LPGAT1: variants seen among roughly 807,000 people sequenced by gnomAD.
LPGAT1 encodes lysophosphatidylglycerol acyltransferase 1, also known as acyl-CoA:lysophosphatidylglycerol acyltransferase 1.
Under a neutral mutation model 47.5 loss-of-function variants are expected in LPGAT1, and 11 were observed. The observed-to-expected ratio is 0.23, with a 90% CI of 0.15 to 0.38. LPGAT1 has a LOEUF of 0.38. Ranked by LOEUF, LPGAT1 falls within the 10% of genes least tolerant of loss-of-function variation. LPGAT1 has a pLI of 1.00. For synonymous variants in LPGAT1, 138 were observed against 144.2 expected (o/e 0.96, Z 0.31); for missense variants, 293 against 439.0 (o/e 0.67, Z 2.97).
chr1:211,791,618 G>A (rs868217215), intron 3 of LPGAT1, among the ~76,000 whole-genome samples: 2 of 151,806 alleles, frequency 1.3e-5, no homozygotes, highest in South Asian at 2.1e-4. Context: ...CATGGTACCC[G>A]TGCCCATAGT....
chr1:211,784,490 C>CAA (rs373021672), intron 4 of LPGAT1, among the ~76,000 whole-genome samples: 1 of 112,518 alleles, frequency 8.9e-6, no homozygotes. Flanking sequence ...GACCCTGTCT[C>CAA]AAAAAAAAAA....
At chr1:211,772,805 CTA>C (rs1158798250) in intron 6 of LPGAT1, among the ~76,000 whole-genome samples, 1 of 152,108 alleles carries the variant, frequency 6.6e-6, no homozygotes, top group Non-Finnish European at 1.5e-5. Context: ...GAAGGAATAA[CTA>C]TTTCTGAAAT....
At chr1:211,793,051 A>G in intron 3 of LPGAT1, 21 bp downstream of exon 3, 1 of 1,503,798 alleles carries the variant, frequency 6.6e-7, no homozygotes, top group Non-Finnish European at 9.1e-7. Context: ...ATGTCTATCT[A>G]CTGCCTTCAG....
In LPGAT1 at chr1:211,830,125, G is replaced by T; in HGVS notation, c.-28+448C>A. ...GCGGGGAGCCGGTGGAGCCTGCAGC[G>T]GTTTCCGCGGATGTGGAAGGGTCGT... On this transcript the variant is annotated intron_variant, in intron 1 of 7. Coordinates refer to ENST00000366997, the MANE Select transcript of LPGAT1 (RefSeq NM_014873.3). The surrounding 1 kb of genome is among the most constrained non-coding windows in gnomAD (Gnocchi z 5.9). 1 of 984,226 alleles carries T rather than the reference G, an allele frequency of 1.0e-6. No individual in the cohort carries two copies. Among genetic ancestry groups the T allele is most frequent in the Non-Finnish European group, 1.2e-6 (1 of 829,652 alleles). 61.0% of individuals were successfully genotyped at this position (984,226 alleles called of 1,614,324 possible).
At chr1:211,767,890 G>C (rs1324573104) in intron 6 of LPGAT1, among the ~76,000 whole-genome samples, 1 of 152,142 alleles carries the variant, frequency 6.6e-6, no homozygotes, top group African/African-American at 2.4e-5. Flanking sequence ...TTGGGGCTGG[G>C]GCTGAGGGTG....
intron 2 of LPGAT1, among the ~76,000 whole-genome samples, chr1:211,808,135 C>T (rs1158541168): frequency 1.3e-5 from 2 of 151,998 alleles, no homozygotes; most frequent in South Asian, 2.1e-4. Context: ...CACTTGAGGT[C>T]GGGAGTTCGA....
intron 7 of LPGAT1, among the ~76,000 whole-genome samples, chr1:211,750,591 C>CA (rs1322493763): frequency 2.6e-5 from 4 of 151,916 alleles, no homozygotes; most frequent in Non-Finnish European, 5.9e-5. Flanking sequence ...AATTTTTTGT[C>CA]AAAAAAGTAG....
chr1:211,755,660 C>G (rs1350542765), intron 6 of LPGAT1, among the ~76,000 whole-genome samples: 1 of 149,358 alleles, frequency 6.7e-6, no homozygotes, highest in Non-Finnish European at 1.5e-5. Context: ...AATCCCAGTA[C>G]TTTGGGAGAC....
intron 2 of LPGAT1, among the ~76,000 whole-genome samples, chr1:211,793,681 C>G (rs1659233130): frequency 6.6e-6 from 1 of 152,174 alleles, no homozygotes; most frequent in Non-Finnish European, 1.5e-5. Flanking sequence ...GATCCACCTG[C>G]CTTGGCCTCC....
intron 6 of LPGAT1, among the ~76,000 whole-genome samples, chr1:211,778,061 G>A (rs182498123): frequency 2.0e-4 from 31 of 152,270 alleles, no homozygotes; most frequent in East Asian, 1.3e-3. Context: ...AAAGGCACGA[G>A]GCTGGGCGCG....
At chr1:211,756,873 CT>C (rs1657481709) in intron 6 of LPGAT1, among the ~76,000 whole-genome samples, 1 of 139,920 alleles carries the variant, frequency 7.1e-6, no homozygotes, top group African/African-American at 2.6e-5. Flanking sequence ...TTTTTTTTCT[CT>C]CTTTTTTTTT....
intron 3 of LPGAT1, chr1:211,792,242 G>A (rs1659153272): frequency 6.6e-6 from 1 of 151,424 alleles, no homozygotes; most frequent in Non-Finnish European, 1.5e-5. Flanking sequence ...CTTCTTGTGT[G>A]ACCTAGTTGT....
In LPGAT1 at chr1:211,746,647, T is replaced by C. The variant is rs1357306022; in HGVS notation, c.*3252A>G. On this transcript the variant is annotated 3_prime_UTR_variant, in exon 8 of 8. Transcript: ENST00000366997. Reference sequence around the variant, plus strand: ...TTCCTTTATAGTGGAAAGTTAAGGATTGGTTGTAATATTAAAGACCAATAA... The same window carrying C: ...TTCCTTTATAGTGGAAAGTTAAGGACTGGTTGTAATATTAAAGACCAATAA... 1 of 152,210 alleles carries C rather than the reference T, an allele frequency of 6.6e-6. No homozygotes were observed. The highest frequency in any genetic ancestry group is 3.2e-3 in the Middle Eastern group (1 of 316). 9.4% of individuals were successfully genotyped at this position (152,210 alleles called of 1,614,324 possible). A position where few individuals can be genotyped will look rare whatever the true frequency, so the allele number is the denominator to read the frequency against.
intron 3 of LPGAT1, among the ~76,000 whole-genome samples, chr1:211,792,857 G>A (rs548135657): frequency 6.6e-6 from 1 of 151,718 alleles, no homozygotes; most frequent in Non-Finnish European, 1.5e-5. Context: ...GACTACAGGT[G>A]CACACCACCA....
intron 6 of LPGAT1, among the ~76,000 whole-genome samples, chr1:211,778,369 A>C (rs988057421): frequency 5.3e-5 from 8 of 151,702 alleles, no homozygotes; most frequent in South Asian, 2.1e-4. Flanking sequence ...AAAAAAAAAA[A>C]AAAAAGGAAG....
rs1406267883 is a variant in LPGAT1 at position 211,749,953 on chromosome 1, C to T, written c.1059G>A (p.Leu353=). ...WIFLIQSFAF[L]SGYMWYNIIQ... ...TGATGTTGTACCACATATAGCCTGA[C>T]AAAAATGCAAAAGACTGTATGAGAA... Residue 353 remains leucine (L), a synonymous_variant, in exon 8 of 8, where the codon TTG becomes TTA. Transcript: ENST00000366997. The T allele has an allele frequency of 1.9e-6, 3 of 1,613,834 alleles. No homozygotes were observed. Among genetic ancestry groups the T allele is most frequent in the African/African-American group, 2.7e-5 (2 of 74,878 alleles).
At chr1:211,791,776 A>T (rs1659126881) in intron 3 of LPGAT1, among the ~76,000 whole-genome samples, 1 of 141,068 alleles carries the variant, frequency 7.1e-6, no homozygotes. Context: ...CAAACAAACA[A>T]AAAAAAAAAA....
In LPGAT1 at chr1:211,749,961, C is replaced by A; in HGVS notation, c.1051G>T (p.Ala351Ser). Residue 351 changes from alanine to serine, a missense_variant, in exon 8 of 8, where the codon GCA becomes TCA. Ala to Ser is a moderately conservative substitution (Grantham distance 99). Coordinates refer to ENST00000366997, the MANE Select transcript of LPGAT1 (RefSeq NM_014873.3). ...TACCACATATAGCCTGACAAAAATG[C>A]AAAAGACTGTATGAGAAATATCCAC... ...NLWIFLIQSF[A>S]FLSGYMWYNI... is the part of the protein sequence containing the mutation. The A allele has an allele frequency of 6.2e-7, 1 of 1,613,878 alleles. No individual in the cohort carries two copies. The highest frequency in any genetic ancestry group is 2.2e-5 in the East Asian group (1 of 44,864).
At chr1:211,811,655 G>C (rs1659992346) in intron 2 of LPGAT1, among the ~76,000 whole-genome samples, 1 of 152,186 alleles carries the variant, frequency 6.6e-6, no homozygotes, top group Non-Finnish European at 1.5e-5. Context: ...TACTCAGGAG[G>C]CTGAGGCACA....
Sources: gnomAD v4.1 joint callset for allele counts (sites outside exome capture counted in the v4.1 genomes callset) on GRCh38, gnomAD v4.1.1 for gene constraint, Gnocchi (gnomAD v3.1) non-coding constraint, MANE v1.5 for transcripts, NCBI Gene and HGNC (gene_info 2026-07-23, HGNC 2026-07-21) for gene names.